Variants in CHRDL2 observed in about 807,000 individuals in gnomAD.
The protein encoded by CHRDL2 is chordin like 2.
In CHRDL2, 41 loss-of-function variants were observed where a neutral mutation model predicts 54.3. The observed-to-expected ratio is 0.76, with a 90% CI of 0.59 to 0.98. The LOEUF is 0.98. Ranked by LOEUF, CHRDL2 falls within the 50% of genes least tolerant of loss-of-function variation. CHRDL2 has a pLI of 0.00. For missense variants in CHRDL2, 518 were observed against 562.4 expected (o/e 0.92, Z 0.80); for synonymous variants, 220 against 224.3 (o/e 0.98, Z 0.17).
chr11:74,698,570 G>C (rs191986732), intron 9 of CHRDL2: 55 of 152,132 alleles, frequency 3.6e-4, no homozygotes, highest in African/African-American at 1.3e-3. Flanking sequence ...ACTCCCAGAG[G>C]GCTCTCCTCT....
chr11:74,700,643 A>ATTTTTT (rs10661880), intron 9 of CHRDL2, among the ~76,000 whole-genome samples: 110 of 136,020 alleles, frequency 8.1e-4, no homozygotes, highest in East Asian at 1.2e-3. Context: ...TATTATTATT[A>ATTTTTT]TTTTTTTTTT....
At position 74,715,271 on chromosome 11, in the gene CHRDL2, C is replaced by T. The variant is rs1383608998; in HGVS notation, c.196-1792G>A. Among the ~76,000 whole-genome samples the T allele has an allele frequency of 3.3e-5, 5 of 152,176 alleles. No homozygotes were observed. In the South Asian group the frequency reaches 6.2e-4, roughly 19 times the overall value. On this transcript the variant is annotated intron_variant, in intron 2 of 10. Transcript: ENST00000376332. ...GGGACCAACAAGGTTTCTGCCCTCC[C>T]GGAGCTCACATCCTAACAGTGAAAG...
chr11:74,725,595 T>C (rs968341289), intron 1 of CHRDL2, among the ~76,000 whole-genome samples: 1 of 151,966 alleles, frequency 6.6e-6, no homozygotes, highest in Non-Finnish European at 1.5e-5. Flanking sequence ...GAAACTCTCA[T>C]GCTGTGATAA....
chr11:74,696,432 G>A lies in CHRDL2; in HGVS notation c.*77C>T. ...ATATGAACCCAGAAGGCAGGGCTGA[G>A]GGTAATGCAACTTCTTATTTATTAA... On this transcript the variant is annotated 3_prime_UTR_variant, in exon 11 of 11. Transcript: ENST00000376332. 4 of 1,181,264 alleles carry A rather than the reference G, an allele frequency of 3.4e-6. No individual in the cohort carries two copies. Among genetic ancestry groups the A allele is most frequent in the Non-Finnish European group, 5.0e-6 (4 of 805,850 alleles). 73.2% of individuals were successfully genotyped at this position (1,181,264 alleles called of 1,614,324 possible).
intron 1 of CHRDL2, among the ~76,000 whole-genome samples, chr11:74,726,888 G>A (rs2034580802): frequency 6.6e-6 from 1 of 152,220 alleles, no homozygotes; most frequent in Middle Eastern, 3.2e-3. Context: ...AGATGGGGAT[G>A]CGACTAAGCT....
chr11:74,700,732 A>G (rs1412401277), intron 9 of CHRDL2, among the ~76,000 whole-genome samples: 1 of 151,150 alleles, frequency 6.6e-6, no homozygotes, highest in Non-Finnish European at 1.5e-5. Flanking sequence ...TCCTGGGCTC[A>G]AGTGATTCTC....
At chr11:74,728,284 G>A (rs2034600729) in intron 1 of CHRDL2, among the ~76,000 whole-genome samples, 1 of 152,172 alleles carries the variant, frequency 6.6e-6, no homozygotes, top group South Asian at 2.1e-4. Flanking sequence ...CACTGTTTCT[G>A]AAAGCACCTA....
At chr11:74,709,065 G>A (rs944382334) in intron 4 of CHRDL2, among the ~76,000 whole-genome samples, 1 of 152,242 alleles carries the variant, frequency 6.6e-6, no homozygotes, top group African/African-American at 2.4e-5. Context: ...ATTGCCCTGA[G>A]ACCTTTCCCT....
intron 10 of CHRDL2, 61 bp from the exon 11 acceptor site, chr11:74,696,646 C>G (rs1195443256): frequency 1.6e-6 from 2 of 1,270,542 alleles, no homozygotes; most frequent in Non-Finnish European, 2.3e-6. Context: ...ACAACAGAGG[C>G]AGCAGCTGGG....
In CHRDL2 at chr11:74,718,730, G is replaced by A; in HGVS notation, c.185C>T (p.Thr62Ile). The change falls in exon 2 of 11, where the codon ACC becomes ATC. Residue 62 changes from threonine to isoleucine, a missense_variant. Transcript: ENST00000376332. Reference sequence around the variant, plus strand: ...GCCAGAGGAACCTACCTCTGAGCAGGTACAGCGCAGGCAGTACATCAGGCC... The same window carrying A: ...GCCAGAGGAACCTACCTCTGAGCAGATACAGCGCAGGCAGTACATCAGGCC... Reference protein sequence around the residue: ...PQGLMYCLRCTCSEGAHVSCY... With the variant: ...PQGLMYCLRCICSEGAHVSCY... 6.2e-7 allele frequency: 1 copy of A among 1,611,786 alleles called. No homozygotes were observed. The highest frequency in any genetic ancestry group is 1.3e-5 in the African/African-American group (1 of 74,992).
chr11:74,713,516 A>G (rs1290827267), intron 2 of CHRDL2, 37 bp from the exon 3 acceptor site: 1 of 1,545,142 alleles, frequency 6.5e-7, no homozygotes, highest in East Asian at 2.2e-5. Flanking sequence ...GGTTCAAAGA[A>G]CCATCGTCTT....
intron 3 of CHRDL2, 91 bp from the exon 4 acceptor site, chr11:74,711,082 G>T (rs1591360224): frequency 7.1e-7 from 1 of 1,404,954 alleles, no homozygotes; most frequent in East Asian, 2.4e-5. Context: ...TGATGATTTT[G>T]CATTTGACCC....
intron 2 of CHRDL2, among the ~76,000 whole-genome samples, chr11:74,716,396 G>A (rs1284479212): frequency 2.0e-5 from 3 of 151,962 alleles, no homozygotes; most frequent in Non-Finnish European, 4.4e-5. Flanking sequence ...TTAGCTGGGC[G>A]TGGCAGCAGG....
intron 5 of CHRDL2, 76 bp downstream of exon 5, chr11:74,708,226 C>G: frequency 9.5e-7 from 1 of 1,051,286 alleles, no homozygotes; most frequent in Non-Finnish European, 1.3e-6. Context: ...CAGTTCCTCA[C>G]GGCTCTCACA....
At chr11:74,730,727 G>T in intron 1 of CHRDL2, 80 bp downstream of exon 1, 1 of 1,333,522 alleles carries the variant, frequency 7.5e-7, no homozygotes, top group Non-Finnish European at 1.0e-6. Flanking sequence ...GAAGAGCTTG[G>T]GGTCCAGGTC....
chr11:74,716,556 A>AAAG (rs1554986945), intron 2 of CHRDL2, among the ~76,000 whole-genome samples: 4 of 140,034 alleles, frequency 2.9e-5, no homozygotes, highest in African/African-American at 5.2e-5. Context: ...AAAAAAAAAA[A>AAAG]AAAGAAAGAA....
chr11:74,704,611 C>T lies in CHRDL2; in HGVS notation c.626G>A (p.Arg209Lys). 6.2e-7 allele frequency: 1 copy of T among 1,604,052 alleles called. No individual in the cohort carries two copies. The highest frequency in any genetic ancestry group is 8.5e-7 in the Non-Finnish European group (1 of 1,175,568). The change falls in exon 7 of 11, where the codon AGA becomes AAA. Residue 209 changes from arginine (R) to lysine (K), a missense_variant. Physicochemically the swap from Arg to Lys is conservative, Grantham distance 26 (BLOSUM62 2). Coordinates refer to ENST00000376332, the MANE Select transcript of CHRDL2 (RefSeq NM_001278473.3). ...DPCSSDAGRK[R>K]GPGTPAPTGL... is the part of the protein sequence containing the mutation. ...AGTGGGGGCTGGGGTGCCCGGGCCT[C>T]TCTTTCTCCCAGCATCACTGGAACA...
At chr11:74,715,318 C>T (rs2034318529) in intron 2 of CHRDL2, among the ~76,000 whole-genome samples, 1 of 152,152 alleles carries the variant, frequency 6.6e-6, no homozygotes, top group African/African-American at 2.4e-5. Flanking sequence ...AAGAAGTAAG[C>T]AAGGACCACG....
intron 9 of CHRDL2, among the ~76,000 whole-genome samples, chr11:74,700,646 T>TTATTATTATTATTATTA (rs1283260897): frequency 9.6e-6 from 1 of 104,000 alleles, no homozygotes; most frequent in Admixed American, 9.3e-5. Context: ...TATTATTATT[T>TTATTATTATTATTATTA]TTTTTTTTTT....
Sources: allele counts gnomAD v4.1 joint callset (sites outside exome capture counted in the v4.1 genomes callset), GRCh38; gene constraint gnomAD v4.1.1; transcripts MANE v1.5; gene names NCBI Gene and HGNC (gene_info 2026-07-23, HGNC 2026-07-21).